Variants in LAMA2 observed in about 807,000 individuals in gnomAD.
LAMA2 encodes the protein laminin subunit alpha-2.
A neutral mutation model predicts 364.8 loss-of-function variants in LAMA2; 269 were observed. That is an observed-to-expected ratio of 0.74 (90% CI 0.67 to 0.82). The LOEUF (loss-of-function observed/expected upper bound fraction) is 0.82. LAMA2 is among the 40% of genes least tolerant of loss of function. The pLI is 0.00. For synonymous variants in LAMA2, 1,379 were observed against 1,370.6 expected, an observed-to-expected ratio of 1.01 and a Z score of -0.14; for missense variants, 3,807 against 3,873.2, an observed-to-expected ratio of 0.98 and a Z score of 0.45.
intron 43 of LAMA2, chr6:129,442,214 C>G: frequency 1.5e-6 from 2 of 1,320,008 alleles, no homozygotes; most frequent in Non-Finnish European, 2.0e-6. Flanking sequence ...TTTCAGCATC[C>G]TAGCCTCAAA....
intron 1 of LAMA2, among the ~76,000 whole-genome samples, chr6:129,012,148 G>T (rs1784804094): frequency 5.9e-5 from 9 of 152,026 alleles, no homozygotes. Context: ...TTAAAACTTG[G>T]CTATCCACCA....
At chr6:129,269,078 A>G (rs1250312102) in intron 16 of LAMA2, among the ~76,000 whole-genome samples, 1 of 152,144 alleles carries the variant, frequency 6.6e-6, no homozygotes, top group African/African-American at 2.4e-5. Flanking sequence ...TTATAAATTT[A>G]TAAAGCTTAA....
chr6:129,004,370 A>T (rs1176098931), intron 1 of LAMA2, among the ~76,000 whole-genome samples: 4 of 128,536 alleles, frequency 3.1e-5, no homozygotes, highest in African/African-American at 9.0e-5. Context: ...AACCTGCACA[A>T]TGTGCACATG....
intron 4 of LAMA2, among the ~76,000 whole-genome samples, chr6:129,137,495 C>T (rs979147765): frequency 1.4e-4 from 21 of 151,918 alleles, no homozygotes; most frequent in African/African-American, 3.1e-4. Context: ...TTTACCTAAA[C>T]GTATGAAGAT....
intron 12 of LAMA2, among the ~76,000 whole-genome samples, chr6:129,207,298 T>C (rs1782741043): frequency 6.6e-6 from 1 of 152,248 alleles, no homozygotes; most frequent in Admixed American, 6.5e-5. Context: ...AGGTCTTTTT[T>C]TTTTCTTCAC....
intron 40 of LAMA2, among the ~76,000 whole-genome samples, chr6:129,404,560 G>A (rs1250123395): frequency 6.6e-6 from 1 of 152,146 alleles, no homozygotes; most frequent in Non-Finnish European, 1.5e-5. Context: ...CTTCAATGGT[G>A]ACAAATCTTT....
chr6:129,303,718 A>T lies in LAMA2; in HGVS notation c.3174+2846A>T, dbSNP rs187381925. On this transcript the variant is annotated intron_variant, in intron 22 of 64. Transcript: ENST00000421865. ...TTAATATGACAGATTATACTGATTGATTTTCAACATATCAATCCAGTCTTA... is the reference window on the plus strand; with the variant it reads ...TTAATATGACAGATTATACTGATTGTTTTTCAACATATCAATCCAGTCTTA... 3.2e-3 allele frequency among the ~76,000 whole-genome samples: 483 copies of T among 152,224 alleles called. 4 individuals are homozygous for T. The highest frequency in any genetic ancestry group is 5.9e-3 in the Non-Finnish European group (399 of 68,008).
chr6:128,912,364 C>T (rs532303836), intron 1 of LAMA2, among the ~76,000 whole-genome samples: 3 of 152,178 alleles, frequency 2.0e-5, no homozygotes, highest in African/African-American at 7.2e-5. Context: ...CCTCTTTTTA[C>T]ACAATTAAAA....
At chr6:129,124,113 C>A (rs1263963727) in intron 4 of LAMA2, among the ~76,000 whole-genome samples, 2 of 152,108 alleles carry the variant, frequency 1.3e-5, no homozygotes, top group Non-Finnish European at 2.9e-5. Context: ...ATTATTACAA[C>A]TGAAAGCCTT....
chr6:129,236,643 C>T (rs1349789021), intron 12 of LAMA2, among the ~76,000 whole-genome samples: 1 of 152,026 alleles, frequency 6.6e-6, no homozygotes, highest in East Asian at 1.9e-4. Flanking sequence ...TAGTAAGTAG[C>T]ATGTATTTTG....
intron 1 of LAMA2, among the ~76,000 whole-genome samples, chr6:128,890,973 C>T (rs192947108): frequency 1.6e-4 from 24 of 152,186 alleles, no homozygotes; most frequent in African/African-American, 5.8e-4. Flanking sequence ...TCAGTTAAGA[C>T]AAAAGTCTTC....
intron 3 of LAMA2, among the ~76,000 whole-genome samples, chr6:129,071,756 A>C (rs1393600738): frequency 6.6e-6 from 1 of 152,050 alleles, no homozygotes; most frequent in Non-Finnish European, 1.5e-5. Context: ...CACTAATTCC[A>C]CTATGGTCAG....
intron 8 of LAMA2, among the ~76,000 whole-genome samples, chr6:129,165,186 GT>G (rs77348632): frequency 0.015 from 2,078 of 140,120 alleles, 44 homozygotes; most frequent in African/African-American, 0.046. Flanking sequence ...AAATAATTTA[GT>G]TTTTTTTTTT....
intron 12 of LAMA2, among the ~76,000 whole-genome samples, chr6:129,204,378 GTAAA>G (rs1782484652): frequency 6.6e-6 from 1 of 151,588 alleles, no homozygotes; most frequent in African/African-American, 2.4e-5. Context: ...AATTAGAGAA[GTAAA>G]TGTTATAACT....
At chr6:129,206,102 GAGGGAGGAAGGAAGGAAGGAAGGAAGGA>G (rs1453882284) in intron 12 of LAMA2, among the ~76,000 whole-genome samples, 12 of 101,804 alleles carry the variant, frequency 1.2e-4, no homozygotes, top group African/African-American at 3.0e-4. Flanking sequence ...GGGAGGGAGG[GAGGGAGGAAGGAAGGAAGGAAGGAAGGA>G]AGGAAGGAAG....
intron 28 of LAMA2, among the ~76,000 whole-genome samples, chr6:129,322,108 A>G (rs543981470): frequency 4.9e-4 from 74 of 152,318 alleles, no homozygotes; most frequent in African/African-American, 1.7e-3. Context: ...AAATAACTGC[A>G]ACTGTTTTGT....
intron 40 of LAMA2, among the ~76,000 whole-genome samples, chr6:129,414,788 A>G (rs1008987534): frequency 1.5e-4 from 23 of 152,200 alleles, no homozygotes; most frequent in Non-Finnish European, 3.4e-4. Flanking sequence ...GCAAGCAACA[A>G]TCCCCTAACC....
chr6:129,037,712 C>A (rs1786747022), intron 1 of LAMA2, among the ~76,000 whole-genome samples: 1 of 148,772 alleles, frequency 6.7e-6, no homozygotes, highest in Non-Finnish European at 1.5e-5. Context: ...GTCGCCCAGG[C>A]TGGATGGAGT....
At chr6:129,023,075 AC>A (rs979604798) in intron 1 of LAMA2, among the ~76,000 whole-genome samples, 1 of 151,794 alleles carries the variant, frequency 6.6e-6, no homozygotes, top group African/African-American at 2.4e-5. Context: ...TTTATGCACT[AC>A]CCTCCCTGCA....
Sources: allele counts gnomAD v4.1 joint callset (sites outside exome capture counted in the v4.1 genomes callset), GRCh38; gene constraint gnomAD v4.1.1; transcripts MANE v1.5; gene names NCBI Gene and HGNC (gene_info 2026-07-23, HGNC 2026-07-21).